CAB39L: variants seen among roughly 807,000 people sequenced by gnomAD.
The protein encoded by CAB39L is calcium binding protein 39 like.
Under a neutral mutation model 39.1 loss-of-function variants are expected in CAB39L, and 23 were observed. That is an observed-to-expected ratio of 0.59 (90% CI 0.42 to 0.83). The LOEUF (loss-of-function observed/expected upper bound fraction) is 0.83. Among genes scored for constraint, CAB39L ranks in the 40% least tolerant of loss-of-function variants. CAB39L has a pLI of 0.00. For synonymous variants in CAB39L, 126 were observed against 137.2 expected (o/e 0.92, Z 0.57); for missense variants, 366 against 391.9 (o/e 0.93, Z 0.56).
intron 3 of CAB39L, among the ~76,000 whole-genome samples, chr13:49,426,890 C>T (rs777751046): frequency 9.9e-5 from 15 of 152,278 alleles, no homozygotes; most frequent in African/African-American, 2.6e-4. Flanking sequence ...GTCCCAACTA[C>T]GAACTTATGA....
chr13:49,329,544 A>AAAAAAAAT (rs1555252274), intron 10 of CAB39L, among the ~76,000 whole-genome samples: 1 of 33,808 alleles, frequency 3.0e-5, no homozygotes, highest in Non-Finnish European at 5.0e-5. Context: ...TAAAAAAAAA[A>AAAAAAAAT]ATATATATAT....
chr13:49,439,565 G>C (rs1411899627), intron 1 of CAB39L, among the ~76,000 whole-genome samples: 1 of 152,190 alleles, frequency 6.6e-6, no homozygotes. Flanking sequence ...ATGAGTGCAT[G>C]TATCTTTTTG....
intron 10 of CAB39L, among the ~76,000 whole-genome samples, chr13:49,326,814 A>G (rs1221357694): frequency 6.6e-6 from 1 of 152,182 alleles, no homozygotes; most frequent in Non-Finnish European, 1.5e-5. Context: ...GGATGGAAAT[A>G]GGTTATTTTT....
chr13:49,371,949 T>C (rs1056288717), intron 5 of CAB39L, among the ~76,000 whole-genome samples: 11 of 152,136 alleles, frequency 7.2e-5, no homozygotes, highest in African/African-American at 4.8e-5. Context: ...TAAGTTACCA[T>C]AGAAGACAAT....
chr13:49,362,116 T>C (rs1432212888), intron 5 of CAB39L, among the ~76,000 whole-genome samples: 5 of 151,840 alleles, frequency 3.3e-5, no homozygotes, highest in Admixed American at 3.3e-4. Flanking sequence ...TGTAAATATG[T>C]ATATATACAT....
chr13:49,326,846 T>A (rs1270046703), intron 10 of CAB39L, among the ~76,000 whole-genome samples: 2 of 152,208 alleles, frequency 1.3e-5, no homozygotes, highest in Admixed American at 6.5e-5. Flanking sequence ...CACTGTTTCC[T>A]TCTATATATA....
chr13:49,375,126 TAC>T (rs1361985069), intron 5 of CAB39L, among the ~76,000 whole-genome samples: 1 of 152,192 alleles, frequency 6.6e-6, no homozygotes, highest in Non-Finnish European at 1.5e-5. Context: ...GACATTTGTA[TAC>T]AGTTTGCATT....
rs1288868007 is a variant in CAB39L at position 49,368,792 on chromosome 13, G to A, written c.276+8175C>T. On this transcript the variant is annotated intron_variant, in intron 5 of 10. Coordinates refer to ENST00000409308, the MANE Select transcript of CAB39L (RefSeq NM_001079670.3). Reference sequence around the variant, plus strand: ...GGAAGTATTAACTCAAATCAAATAAGAAAAGAGAAAAGGAGGGAAGAAAGA... The same window carrying A: ...GGAAGTATTAACTCAAATCAAATAAAAAAAGAGAAAAGGAGGGAAGAAAGA... Among the ~76,000 whole-genome samples the A allele has an allele frequency of 2.6e-5, 4 of 152,146 alleles. No individual in the cohort carries two copies. The East Asian group carries it at 5.8e-4, about 22-fold the overall frequency.
intron 10 of CAB39L, among the ~76,000 whole-genome samples, chr13:49,330,007 A>G (rs1230841040): frequency 6.6e-6 from 1 of 152,134 alleles, no homozygotes; most frequent in Non-Finnish European, 1.5e-5. Flanking sequence ...CTTGAGTCAG[A>G]CAGACCAAGC....
At chr13:49,390,647 T>A (rs1956469032) in intron 3 of CAB39L, among the ~76,000 whole-genome samples, 1 of 152,060 alleles carries the variant, frequency 6.6e-6, no homozygotes, top group Non-Finnish European at 1.5e-5. Context: ...ATCCATAAAA[T>A]AAGAACAGGC....
Position 49,333,813 on chromosome 13 carries a change from C to T in CAB39L, c.691-1723G>A, listed in dbSNP as rs898382328. On this transcript the variant is annotated intron_variant, in intron 9 of 10. Coordinates refer to ENST00000409308, the MANE Select transcript of CAB39L (RefSeq NM_001079670.3). ...GGTCTCGATCTCCTGACCTGGTGAT[C>T]CATCCGCCTCGGCCTCTCAAAATGC... Among the ~76,000 whole-genome samples, 3 of 151,824 alleles carry T rather than the reference C, an allele frequency of 2.0e-5. No homozygotes were observed. In the South Asian group the frequency reaches 6.2e-4, roughly 32 times the overall value.
intron 10 of CAB39L, among the ~76,000 whole-genome samples, chr13:49,315,695 A>G (rs867464754): frequency 1.3e-5 from 2 of 151,502 alleles, no homozygotes; most frequent in Non-Finnish European, 2.9e-5. Flanking sequence ...GACCAGCCTG[A>G]CCAACATGGT....
chr13:49,425,690 G>A (rs938358386), intron 3 of CAB39L, among the ~76,000 whole-genome samples: 3 of 152,198 alleles, frequency 2.0e-5, no homozygotes, highest in Non-Finnish European at 4.4e-5. Flanking sequence ...TAGTGAGGTT[G>A]AGATAGTCAT....
intron 6 of CAB39L, chr13:49,351,172 A>C: frequency 3.4e-6 from 1 of 294,972 alleles, no homozygotes; most frequent in East Asian, 5.6e-5. Context: ...ATGAGGCAGA[A>C]TGTAAACAAT....
chr13:49,441,947 T>A (rs887275137), intron 1 of CAB39L, among the ~76,000 whole-genome samples: 2 of 152,222 alleles, frequency 1.3e-5, no homozygotes, highest in Non-Finnish European at 2.9e-5. Flanking sequence ...TAATAAACTG[T>A]CAAATTGTCT....
intron 3 of CAB39L, among the ~76,000 whole-genome samples, chr13:49,389,446 G>A (rs928491345): frequency 2.2e-4 from 34 of 152,220 alleles, no homozygotes; most frequent in African/African-American, 7.9e-4. Flanking sequence ...TTCGAGACCA[G>A]CATGGCCAAC....
At chr13:49,378,594 T>G (rs1956163689) in intron 4 of CAB39L, among the ~76,000 whole-genome samples, 1 of 55,634 alleles carries the variant, frequency 1.8e-5, no homozygotes, top group Non-Finnish European at 3.5e-5. Context: ...GGTGGGGGGG[T>G]CAGCCCTCCG....
In CAB39L at chr13:49,325,450, G is replaced by A. The variant is rs188770139; in HGVS notation, c.834+6497C>T. Reference sequence around the variant, plus strand: ...CTCAATTGCTTTCTCCATGAGTACGGTTAGATTTGGTACACCATGACCATA... The same window carrying A: ...CTCAATTGCTTTCTCCATGAGTACGATTAGATTTGGTACACCATGACCATA... On this transcript the variant is annotated intron_variant, in intron 10 of 10. Transcript: ENST00000409308. Among the ~76,000 whole-genome samples, 18 of 152,310 alleles carry A rather than the reference G, an allele frequency of 1.2e-4. No individual in the cohort carries two copies. In the East Asian group the frequency reaches 2.7e-3, roughly 23 times the overall value.
intron 1 of CAB39L, among the ~76,000 whole-genome samples, chr13:49,437,093 AT>A (rs1415519374): frequency 6.6e-6 from 1 of 152,008 alleles, no homozygotes; most frequent in Admixed American, 6.6e-5. Flanking sequence ...TTTGACTATC[AT>A]TTTGTTTTCC....
Sources: gnomAD v4.1 joint callset for allele counts (sites outside exome capture counted in the v4.1 genomes callset) on GRCh38, gnomAD v4.1.1 for gene constraint, MANE v1.5 for transcripts, NCBI Gene and HGNC (gene_info 2026-07-23, HGNC 2026-07-21) for gene names.